The following DIS3L2 variants were observed in gnomAD, a reference collection of about 807,000 sequenced individuals.
The protein encoded by DIS3L2 is DIS3-like exonuclease 2.
Under a neutral mutation model 97.5 loss-of-function variants are expected in DIS3L2, and 34 were observed. The ratio of observed to expected loss-of-function variants is 0.35; its 90% CI spans 0.27 to 0.46. The LOEUF is 0.46. Ranked by LOEUF, DIS3L2 falls within the 20% of genes least tolerant of loss-of-function variation. The pLI is 1.00. For missense variants in DIS3L2, 1,038 were observed against 1,146.0 expected (o/e 0.91, Z 1.36); for synonymous variants, 435 against 445.2 (o/e 0.98, Z 0.29).
At chr2:232,252,453 A>G (rs2106268154) in intron 12 of DIS3L2, among the ~76,000 whole-genome samples, 1 of 152,320 alleles carries the variant, frequency 6.6e-6, no homozygotes, top group Admixed American at 6.5e-5. Flanking sequence ...GCTAAGCTGG[A>G]TCCTCTCGTG....
intron 6 of DIS3L2, among the ~76,000 whole-genome samples, chr2:232,125,460 C>T (rs1239252794): frequency 1.9e-4 from 29 of 152,132 alleles, no homozygotes; most frequent in Non-Finnish European, 1.2e-4. Context: ...AACAGGTCAC[C>T]ACTGTCAACA....
chr2:232,203,202 AT>A lies in DIS3L2; in HGVS notation c.1125-7116del, dbSNP rs927534556. On this transcript the variant is annotated intron_variant, in intron 9 of 20. Coordinates refer to ENST00000325385, the MANE Select transcript of DIS3L2 (RefSeq NM_152383.5). ...TTTATCCACTTAAGGTTATTTCTTA[AT>A]TTTTTTTCCATTCCTTTTCACCCAT... Among the ~76,000 whole-genome samples, 253 of 152,062 alleles carry A rather than the reference AT, an allele frequency of 1.7e-3. 1 individual carries two copies. Among genetic ancestry groups the A allele is most frequent in the African/African-American group, 5.6e-3 (233 of 41,482 alleles).
intron 13 of DIS3L2, among the ~76,000 whole-genome samples, chr2:232,286,689 G>T (rs1261011140): frequency 6.6e-6 from 1 of 152,176 alleles, no homozygotes; most frequent in African/African-American, 2.4e-5. Flanking sequence ...TAAGGTAAAA[G>T]AGATTACATA....
At chr2:232,135,487 G>A (rs1414819506) in intron 7 of DIS3L2, among the ~76,000 whole-genome samples, 1 of 152,178 alleles carries the variant, frequency 6.6e-6, no homozygotes, top group East Asian at 1.9e-4. Context: ...GTGTCCCACA[G>A]CCTTCTTGAA....
chr2:231,993,828 CATT>C (rs1198373246), intron 1 of DIS3L2, among the ~76,000 whole-genome samples: 1 of 148,280 alleles, frequency 6.7e-6, no homozygotes, highest in Non-Finnish European at 1.5e-5. Flanking sequence ...ATAAGAATGT[CATT>C]GTTGAATAAG....
chr2:232,015,190 T>C (rs1185231541), intron 2 of DIS3L2, among the ~76,000 whole-genome samples: 1 of 152,236 alleles, frequency 6.6e-6, no homozygotes, highest in African/African-American at 2.4e-5. Flanking sequence ...TTTAATTTCC[T>C]CTAGAAAAGT....
chr2:232,124,710 A>G (rs958417952), intron 6 of DIS3L2, among the ~76,000 whole-genome samples: 3 of 152,162 alleles, frequency 2.0e-5, no homozygotes, highest in African/African-American at 7.2e-5. Flanking sequence ...CAGGCGAGAT[A>G]CCATTAAGCA....
chr2:232,333,694 T>C (rs753362674), intron 16 of DIS3L2, 146 bp from the exon 17 acceptor site: 2 of 1,264,468 alleles, frequency 1.6e-6, no homozygotes, highest in Non-Finnish European at 2.1e-6. Context: ...CTGGCCCCAG[T>C]CCTCCCTGGC....
chr2:232,076,292 AG>A (rs1696185870), intron 5 of DIS3L2, among the ~76,000 whole-genome samples: 1 of 152,210 alleles, frequency 6.6e-6, no homozygotes, highest in Non-Finnish European at 1.5e-5. Context: ...TGAAGGAGAC[AG>A]GGCAGTGTAG....
chr2:232,336,747 T>TTTTA lies in DIS3L2; in HGVS notation c.*121_*124dup. ...GGTTTTTAACAACTCAGGGGTTTGT[T>TTTTA]TTTATTTTTATTTAATTTTTGCAGC... is the stretch of plus-strand genomic sequence containing the variant. On this transcript the variant is annotated 3_prime_UTR_variant, in exon 21 of 21. Transcript: ENST00000325385. 6.7e-7 allele frequency: 1 copy of TTTTA among 1,486,584 alleles called. No homozygotes were observed. The highest frequency in any genetic ancestry group is 8.9e-7 in the Non-Finnish European group (1 of 1,129,096). The allele number at this position is 1,486,584 out of a possible 1,614,324, so 92.1% of individuals were successfully genotyped here.
intron 9 of DIS3L2, among the ~76,000 whole-genome samples, chr2:232,185,511 G>A (rs1358371964): frequency 1.3e-5 from 2 of 152,144 alleles, no homozygotes; most frequent in Non-Finnish European, 2.9e-5. Context: ...TCTCAGCAGT[G>A]AGCTATGTTT....
rs757443947 is a variant in DIS3L2, at chr2:232,330,736, G to A, written c.1970G>A (p.Arg657His). The A allele has an allele frequency of 2.5e-5, 40 of 1,613,300 alleles. No homozygotes were observed. The highest frequency in any genetic ancestry group is 6.7e-5 in the Admixed American group (4 of 60,010). ...TFGDDKYSLA[R>H]KEVLTNMCSR... ...GGAGATGACAAGTACTCACTGGCCCGCAAGGAGGTGCTCACCAACATGTGC... is the reference window on the plus strand; with the variant it reads ...GGAGATGACAAGTACTCACTGGCCCACAAGGAGGTGCTCACCAACATGTGC... The change falls in exon 16 of 21, where the codon CGC becomes CAC. Residue 657 changes from arginine to histidine, a missense_variant. By Grantham distance (29) the Arg-to-His change is conservative. Around this residue, in one of 3 missense-constraint regions of DIS3L2, gnomAD observed 813 missense variants for 880.1 expected, o/e 0.92. Coordinates refer to ENST00000325385, the MANE Select transcript of DIS3L2 (RefSeq NM_152383.5).
chr2:232,044,324 A>C (rs1405709753), intron 5 of DIS3L2, among the ~76,000 whole-genome samples: 1 of 152,210 alleles, frequency 6.6e-6, no homozygotes, highest in Non-Finnish European at 1.5e-5. Flanking sequence ...TGAGAGTCCC[A>C]GTGAGAGATG....
rs758425762 is a variant in DIS3L2 at position 232,130,568 on chromosome 2, G to A, written c.602-51G>A. On this transcript the variant is annotated intron_variant, in intron 6 of 20. Transcript: ENST00000325385. Reference sequence around the variant, plus strand: ...ATTGAATTTTAAAATCCCACTAATTGATATGCATCTGGTTGATGACTCCTC... The same window carrying A: ...ATTGAATTTTAAAATCCCACTAATTAATATGCATCTGGTTGATGACTCCTC... 3.5e-5 allele frequency: 55 copies of A among 1,559,918 alleles called. No homozygotes were observed. The South Asian group carries it at 6.7e-4, about 19-fold the overall frequency.
chr2:232,236,464 G>C (rs1382803495), intron 10 of DIS3L2, among the ~76,000 whole-genome samples: 3 of 152,136 alleles, frequency 2.0e-5, no homozygotes, highest in Non-Finnish European at 4.4e-5. Flanking sequence ...TTCAGGCTCA[G>C]CTGGATCCTG....
intron 6 of DIS3L2, among the ~76,000 whole-genome samples, chr2:232,109,851 A>G (rs904002041): frequency 6.6e-6 from 1 of 152,240 alleles, no homozygotes; most frequent in African/African-American, 2.4e-5. Context: ...ACAAAAGCAA[A>G]AATTGACAAA....
chr2:232,072,462 A>C (rs182593432), intron 5 of DIS3L2, among the ~76,000 whole-genome samples: 1 of 152,230 alleles, frequency 6.6e-6, no homozygotes, highest in East Asian at 1.9e-4. Flanking sequence ...GCTGAGGTAG[A>C]GAATTGTCAG....
At chr2:232,086,190 C>T (rs548596711) in intron 5 of DIS3L2, among the ~76,000 whole-genome samples, 6 of 145,942 alleles carry the variant, frequency 4.1e-5, no homozygotes, top group African/African-American at 8.1e-5. Context: ...TATATACACA[C>T]GTATAGACGT....
At chr2:231,980,290 C>T (rs956481280) in intron 1 of DIS3L2, among the ~76,000 whole-genome samples, 1 of 152,144 alleles carries the variant, frequency 6.6e-6, no homozygotes, top group African/African-American at 2.4e-5. Context: ...TTTACATTTT[C>T]CTAATGTCTG....
Sources: allele counts gnomAD v4.1 joint callset (sites outside exome capture counted in the v4.1 genomes callset), GRCh38; gene constraint gnomAD v4.1.1; regional missense constraint gnomAD v4.1.1; transcripts MANE v1.5; gene names NCBI Gene and HGNC (gene_info 2026-07-23, HGNC 2026-07-21).